TP73: variants seen among roughly 807,000 people sequenced by gnomAD.
TP73 encodes the protein tumor protein p73.
A neutral mutation model predicts 62.5 loss-of-function variants in TP73; 25 were observed. The ratio of observed to expected loss-of-function variants is 0.40; its 90% CI spans 0.29 to 0.56. The LOEUF is 0.56. TP73 is among the 20% of genes least tolerant of loss of function. TP73 has a pLI of 0.46. For synonymous variants in TP73, 423 were observed against 377.5 expected, an observed-to-expected ratio of 1.12 and a Z score of -1.40; for missense variants, 754 against 913.3, an observed-to-expected ratio of 0.83 and a Z score of 2.25.
intron 1 of TP73, among the ~76,000 whole-genome samples, chr1:3,681,711 T>G (rs186489754): frequency 1.3e-3 from 198 of 152,194 alleles, no homozygotes; most frequent in Middle Eastern, 6.8e-3. Flanking sequence ...AGCCGGGGGC[T>G]TGGCTGCAGC....
rs139257973 is a variant in TP73, at chr1:3,666,212, C to T, written c.-34+13571C>T. 1.3e-3 allele frequency among the ~76,000 whole-genome samples: 196 copies of T among 150,352 alleles called. No homozygotes were observed. Among genetic ancestry groups the T allele is most frequent in the African/African-American group, 4.4e-3 (180 of 40,712 alleles). Reference sequence around the variant, plus strand: ...AGGCTGGTGTGCAGTGGTGCAGTCACAGCTGACCACAGCCTCCAACTGCTG... The same window carrying T: ...AGGCTGGTGTGCAGTGGTGCAGTCATAGCTGACCACAGCCTCCAACTGCTG... On this transcript the variant is annotated intron_variant, in intron 1 of 13. Transcript: ENST00000378295. The surrounding 1 kb of genome is among the most constrained non-coding windows in gnomAD (Gnocchi z 6.4).
intron 3 of TP73, among the ~76,000 whole-genome samples, chr1:3,692,386 C>T (rs1645867834): frequency 6.6e-6 from 1 of 152,204 alleles, no homozygotes; most frequent in African/African-American, 2.4e-5. Flanking sequence ...CCTCTCCACA[C>T]GCCTGCGTGA....
At chr1:3,703,915 A>G (rs1639417282) in intron 3 of TP73, among the ~76,000 whole-genome samples, 1 of 152,044 alleles carries the variant, frequency 6.6e-6, no homozygotes, top group Non-Finnish European at 1.5e-5. Flanking sequence ...AACAGGGAAG[A>G]CCTTTCCAGG....
At chr1:3,679,320 G>T (rs550660419) in intron 1 of TP73, among the ~76,000 whole-genome samples, 1 of 152,360 alleles carries the variant, frequency 6.6e-6, no homozygotes, top group Non-Finnish European at 1.5e-5. Flanking sequence ...TGAGCCCTGC[G>T]CGGAGGGATG....
intron 3 of TP73, among the ~76,000 whole-genome samples, chr1:3,702,789 A>G (rs1326295441): frequency 6.6e-6 from 1 of 152,198 alleles, no homozygotes; most frequent in African/African-American, 2.4e-5. Flanking sequence ...GGCGTGTCCT[A>G]ATTAGCCCAC....
At chr1:3,731,442 T>C in intron 12 of TP73, 21 bp from the exon 13 acceptor site, 1 of 1,611,524 alleles carries the variant, frequency 6.2e-7, no homozygotes, top group Non-Finnish European at 8.5e-7. Flanking sequence ...TGCTGCTTCC[T>C]TTCTCAAATT....
rs1645257871 is a variant in TP73 at position 3,672,225 on chromosome 1, T to C, written c.-33-10108T>C. On this transcript the variant is annotated intron_variant, in intron 1 of 13. Transcript: ENST00000378295. This position sits in a 1 kb window ranked among gnomAD's most constrained non-coding sequence, Gnocchi z 5.3. ...GGGTGTCCAGAGGAGGGTGGCCAGGTGGGGACAGCAGCTTGAGAAGGGTCA... is the reference window on the plus strand; with the variant it reads ...GGGTGTCCAGAGGAGGGTGGCCAGGCGGGGACAGCAGCTTGAGAAGGGTCA... Among the ~76,000 whole-genome samples the C allele has an allele frequency of 6.6e-6, 1 of 151,960 alleles. No individual in the cohort carries two copies. Among genetic ancestry groups the C allele is most frequent in the South Asian group, 2.1e-4 (1 of 4,824 alleles).
intron 8 of TP73, 40 bp downstream of exon 8, chr1:3,727,810 A>G (rs2146657): frequency 0.76 from 1,135,191 of 1,490,328 alleles, 438,073 homozygotes; most frequent in Non-Finnish European, 0.79. Context: ...GTGTGGGAGG[A>G]GAAGGGGACA....
intron 3 of TP73, among the ~76,000 whole-genome samples, chr1:3,697,197 C>T (rs1638744652): frequency 6.7e-6 from 1 of 148,162 alleles, no homozygotes; most frequent in African/African-American, 2.5e-5. Context: ...GCCCACCTCG[C>T]ACCCACTGCT....
intron 3 of TP73, among the ~76,000 whole-genome samples, chr1:3,703,256 C>T (rs79808218): frequency 0.045 from 6,781 of 152,286 alleles, 514 homozygotes; most frequent in African/African-American, 0.15. Flanking sequence ...GAGAGGACAG[C>T]GTCCCCTGGG....
chr1:3,685,376 G>A (rs3765716), intron 3 of TP73, among the ~76,000 whole-genome samples: 28,645 of 152,178 alleles, frequency 0.19, 2,884 homozygotes, highest in Admixed American at 0.27. Context: ...TCCGCAAACA[G>A]CAAGGTGGCT....
intron 3 of TP73, 41 bp downstream of exon 3, chr1:3,683,221 G>A (rs772113750): frequency 3.0e-5 from 47 of 1,569,620 alleles, no homozygotes; most frequent in Non-Finnish European, 3.8e-5. Context: ...ACTGGAGTGG[G>A]GACAACAAAT....
At chr1:3,655,613 C>T (rs1644849307) in intron 1 of TP73, among the ~76,000 whole-genome samples, 2 of 152,160 alleles carry the variant, frequency 1.3e-5, no homozygotes, top group Admixed American at 6.5e-5. Context: ...TTATTTGTAT[C>T]TGAATGTGGT....
At chr1:3,679,091 T>G (rs1232951960) in intron 1 of TP73, among the ~76,000 whole-genome samples, 1 of 152,182 alleles carries the variant, frequency 6.6e-6, no homozygotes, top group African/African-American at 2.4e-5. Flanking sequence ...TGTCCTGCAG[T>G]GCACAGTGGG....
chr1:3,704,674 G>A (rs1277866683), intron 3 of TP73, among the ~76,000 whole-genome samples: 1 of 152,218 alleles, frequency 6.6e-6, no homozygotes, highest in African/African-American at 2.4e-5. Flanking sequence ...GGAAGGGCCT[G>A]GGCCCGTGGT....
chr1:3,683,845 G>T (rs1402520534), intron 3 of TP73, among the ~76,000 whole-genome samples: 1 of 152,202 alleles, frequency 6.6e-6, no homozygotes, highest in African/African-American at 2.4e-5. Flanking sequence ...AGTGGGGTGG[G>T]CCTCCCCACA....
chr1:3,711,734 G>A (rs1335790039), intron 4 of TP73, among the ~76,000 whole-genome samples: 2 of 152,222 alleles, frequency 1.3e-5, no homozygotes, highest in African/African-American at 2.4e-5. Context: ...ACACAGGTGC[G>A]ATGGCCAGCT....
At chr1:3,673,285 A>G (rs1418379636) in intron 1 of TP73, among the ~76,000 whole-genome samples, 1 of 152,010 alleles carries the variant, frequency 6.6e-6, no homozygotes, top group Non-Finnish European at 1.5e-5. Flanking sequence ...AGCAGACCCC[A>G]CCTTTCCGCC....
intron 3 of TP73, among the ~76,000 whole-genome samples, chr1:3,691,940 G>T (rs1371314315): frequency 2.0e-5 from 3 of 152,224 alleles, no homozygotes; most frequent in Non-Finnish European, 2.9e-5. Context: ...CGATGTGTGT[G>T]AGCGTGCACA....
Sources: gnomAD v4.1 joint callset for allele counts (sites outside exome capture counted in the v4.1 genomes callset) on GRCh38, gnomAD v4.1.1 for gene constraint, Gnocchi (gnomAD v3.1) non-coding constraint, MANE v1.5 for transcripts, NCBI Gene and HGNC (gene_info 2026-07-23, HGNC 2026-07-21) for gene names.